KDM2B: variants seen among roughly 807,000 people sequenced by gnomAD.
KDM2B encodes the protein lysine-specific demethylase 2B.
A neutral mutation model predicts 150.0 loss-of-function variants in KDM2B; 26 were observed. The observed-to-expected ratio is 0.17, with a 90% CI of 0.13 to 0.24. The LOEUF (loss-of-function observed/expected upper bound fraction) is 0.24. KDM2B is among the 10% of genes least tolerant of loss of function. KDM2B has a pLI of 1.00. For missense variants in KDM2B, 1,265 were observed against 1,816.9 expected, an observed-to-expected ratio of 0.70 and a Z score of 5.52; for synonymous variants, 734 against 729.5, an observed-to-expected ratio of 1.01 and a Z score of -0.10.
At chr12:121,441,044 C>G in intron 20 of KDM2B, 26 bp downstream of exon 20, 2 of 1,613,616 alleles carry the variant, frequency 1.2e-6, no homozygotes, top group Non-Finnish European at 1.7e-6. Context: ...AGCAGACACA[C>G]TCGGGGCCAC....
intron 9 of KDM2B, among the ~76,000 whole-genome samples, chr12:121,517,597 T>C (rs1555305247): frequency 2.0e-5 from 3 of 151,896 alleles, no homozygotes. Context: ...ACCTCCCGAT[T>C]AGCTGGGACT....
chr12:121,440,102 C>G, intron 21 of KDM2B, 27 bp from the exon 22 acceptor site: 2 of 1,554,730 alleles, frequency 1.3e-6, no homozygotes, highest in East Asian at 2.3e-5. Context: ...GAGGGGGCAA[C>G]CCGTCAATCT....
Position 121,549,490 on chromosome 12 carries a change from C to T in KDM2B, c.546G>A (p.Lys182=). 1 of 1,608,746 alleles carries T rather than the reference C, an allele frequency of 6.2e-7. No individual in the cohort carries two copies. The highest frequency in any genetic ancestry group is 1.7e-4 in the Middle Eastern group (1 of 6,042). The change falls in exon 5 of 23, where the codon AAG becomes AAA. Residue 182 remains lysine, a synonymous_variant. Coordinates refer to ENST00000377071, the MANE Select transcript of KDM2B (RefSeq NM_032590.5). This position sits in a 1 kb window ranked among gnomAD's most constrained non-coding sequence, Gnocchi z 4.4. ...NVISLEFSHT[K]LEHLVKRPTV... is the part of the protein sequence containing the mutation. ...TCGGACGCTTGACCAAGTGCTCCAGCTTGGTGTGGCTGAACTCTAGGCTGA... is the reference window on the plus strand; with the variant it reads ...TCGGACGCTTGACCAAGTGCTCCAGTTTGGTGTGGCTGAACTCTAGGCTGA...
rs147247363 is a variant in KDM2B, at chr12:121,445,913, C to T, written c.1960-495G>A. On this transcript the variant is annotated intron_variant, in intron 13 of 22. Transcript: ENST00000377071. ...TATTCAAGGCACAGACCATGGACTG[C>T]GGGCTCCCAAGACCTTTACAGAAAG... Among the ~76,000 whole-genome samples the T allele has an allele frequency of 1.1e-3, 167 of 152,294 alleles. 2 individuals are homozygous for T. Among genetic ancestry groups the T allele is most frequent in the African/African-American group, 3.3e-3 (138 of 41,566 alleles).
At chr12:121,485,580 C>G (rs75868196) in intron 12 of KDM2B, among the ~76,000 whole-genome samples, 3 of 151,936 alleles carry the variant, frequency 2.0e-5, no homozygotes. Context: ...CAACTTCACA[C>G]TATTCTGTCT....
At chr12:121,560,296 C>T (rs1398341288) in intron 4 of KDM2B, among the ~76,000 whole-genome samples, 2 of 152,186 alleles carry the variant, frequency 1.3e-5, no homozygotes, top group Non-Finnish European at 2.9e-5. Context: ...TGAGCCACCT[C>T]ACCCAGCCTG....
intron 12 of KDM2B, among the ~76,000 whole-genome samples, chr12:121,456,412 G>A (rs1310891130): frequency 2.0e-5 from 3 of 152,158 alleles, no homozygotes; most frequent in Non-Finnish European, 4.4e-5. Context: ...CCAAACGACA[G>A]GTGCCCTGTT....
chr12:121,548,920 C>T lies in KDM2B; in HGVS notation c.640G>A (p.Ala214Thr), dbSNP rs781963892. 6.2e-7 allele frequency: 1 copy of T among 1,614,226 alleles called. No individual in the cohort carries two copies. Among genetic ancestry groups the T allele is most frequent in the South Asian group, 1.1e-5 (1 of 91,088 alleles). Residue 214 changes from alanine (A) to threonine (T), a missense_variant, in exon 6 of 23, where the codon GCC becomes ACC. Physicochemically the swap from Ala to Thr is moderately conservative, Grantham distance 58. Transcript: ENST00000377071. ...PQHLKEKQTE[A>T]TNAIAEMKYP... ...TTCATCTCTGCAATGGCGTTCGTGG[C>T]TTCTGTCTGCTTCTCCTTCAGATGC...
chr12:121,486,333 C>CTTTTTTTTTTT (rs71079073), intron 12 of KDM2B, among the ~76,000 whole-genome samples: 2 of 59,008 alleles, frequency 3.4e-5, no homozygotes, highest in African/African-American at 1.6e-4. Flanking sequence ...TTTCGAACTC[C>CTTTTTTTTTTT]TTTTTTTTTT....
the KDM2B span, among the ~76,000 whole-genome samples, chr12:121,409,124 C>T: frequency 4.6e-5 from 7 of 152,088 alleles, no homozygotes; most frequent in Middle Eastern, 3.2e-3. Context: ...GGACCACAGG[C>T]GTGCACCACC....
At chr12:121,431,879 C>CTTTTTT (rs77237915) in intron 22 of KDM2B, among the ~76,000 whole-genome samples, 2 of 122,394 alleles carry the variant, frequency 1.6e-5, no homozygotes, top group Non-Finnish European at 3.3e-5. Context: ...TTTCTTTTTT[C>CTTTTTT]TTTTTTTTTT....
At position 121,520,077 on chromosome 12, in the gene KDM2B, G is replaced by C. The variant is rs1165244660; in HGVS notation, c.1047+908C>G. ...CCAGCTTTTTTGTATTTTTGGTAAA[G>C]ACAGGGTTTCATCATGTTGGCCTGG... On this transcript the variant is annotated intron_variant, in intron 9 of 22. Coordinates refer to ENST00000377071, the MANE Select transcript of KDM2B (RefSeq NM_032590.5). The surrounding 1 kb of genome is among the most constrained non-coding windows in gnomAD (Gnocchi z 4.5). 1.3e-5 allele frequency among the ~76,000 whole-genome samples: 2 copies of C among 152,206 alleles called. No individual in the cohort carries two copies. The highest frequency in any genetic ancestry group is 1.3e-4 in the Admixed American group (2 of 15,280).
chr12:121,443,009 T>G lies in KDM2B; in HGVS notation c.2587A>C (p.Lys863Gln), dbSNP rs1211720542. The change falls in exon 18 of 23, where the codon AAG becomes CAG. Residue 863 changes from lysine to glutamine, a missense_variant. By Grantham distance (53) the Lys-to-Gln change is moderately conservative. Coordinates refer to ENST00000377071, the MANE Select transcript of KDM2B (RefSeq NM_032590.5). ...QQQLKPGKED[K>Q]LFRKKRRSWK... ...GATGGTACCTTTTTCCTGAAAAGCTTATCTTCTTTGCCAGGTTTGAGCTGT... is the reference window on the plus strand; with the variant it reads ...GATGGTACCTTTTTCCTGAAAAGCTGATCTTCTTTGCCAGGTTTGAGCTGT... The G allele has an allele frequency of 3.7e-6, 6 of 1,613,242 alleles. No homozygotes were observed. The African/African-American group carries it at 8.0e-5, about 22-fold the overall frequency.
At chr12:121,539,278 C>A (rs1555309287) in intron 6 of KDM2B, among the ~76,000 whole-genome samples, 1 of 131,886 alleles carries the variant, frequency 7.6e-6, no homozygotes, top group African/African-American at 2.9e-5. Flanking sequence ...GGGTGAATCA[C>A]GACTGCGCCA....
intron 4 of KDM2B, among the ~76,000 whole-genome samples, chr12:121,568,278 G>A (rs1467012903): frequency 6.6e-6 from 1 of 152,000 alleles, no homozygotes; most frequent in Non-Finnish European, 1.5e-5. Flanking sequence ...AGACTAGCCT[G>A]GGCAACATGG....
At chr12:121,577,192 G>A (rs1457088919) in intron 2 of KDM2B, among the ~76,000 whole-genome samples, 12 of 152,080 alleles carry the variant, frequency 7.9e-5, no homozygotes, top group African/African-American at 4.8e-5. Context: ...TCCCTGGCTG[G>A]AATACCGGCC....
rs1555285272 is a variant in KDM2B, at chr12:121,430,505, C to A, written c.3830-36G>T. The stretch of plus-strand genomic sequence containing the variant: ...GAAATAGTAATGTGAGGTGTGAAGG[C>A]CAGGAGCCAGAAGCCCCCCCGCCGC... On this transcript the variant is annotated intron_variant, in intron 22 of 22. Coordinates refer to ENST00000377071, the MANE Select transcript of KDM2B (RefSeq NM_032590.5). The surrounding 1 kb of genome is among the most constrained non-coding windows in gnomAD (Gnocchi z 4.4). 6.4e-7 allele frequency: 1 copy of A among 1,553,216 alleles called. No homozygotes were observed. Among genetic ancestry groups the A allele is most frequent in the Admixed American group, 1.7e-5 (1 of 59,828 alleles).
chr12:121,538,492 C>T (rs1888348925), intron 6 of KDM2B, among the ~76,000 whole-genome samples: 1 of 152,112 alleles, frequency 6.6e-6, no homozygotes, highest in Non-Finnish European at 1.5e-5. Context: ...CCTCACTGCT[C>T]GGCACTGAAG....
At chr12:121,553,293 C>A (rs1889658195) in intron 4 of KDM2B, among the ~76,000 whole-genome samples, 1 of 151,932 alleles carries the variant, frequency 6.6e-6, no homozygotes, top group Admixed American at 6.6e-5. Context: ...GGCCAGCCTC[C>A]CACCTCCACC....
Sources: allele counts gnomAD v4.1 joint callset (sites outside exome capture counted in the v4.1 genomes callset), GRCh38; gene constraint gnomAD v4.1.1; non-coding constraint Gnocchi (gnomAD v3.1); transcripts MANE v1.5; gene names NCBI Gene and HGNC (gene_info 2026-07-23, HGNC 2026-07-21).